The following UBE2G1 variants were observed in gnomAD, a reference collection of about 807,000 sequenced individuals.
The protein encoded by UBE2G1 is ubiquitin-conjugating enzyme E2 G1.
UBE2G1 carries 5 observed loss-of-function variants against 22.7 expected under a neutral mutation model. That is an observed-to-expected ratio of 0.22 (90% CI 0.12 to 0.46). The LOEUF is 0.46. Ranked by LOEUF, UBE2G1 falls within the 20% of genes least tolerant of loss-of-function variation. The pLI is 0.99. For missense variants in UBE2G1, 88 were observed against 203.9 expected, an observed-to-expected ratio of 0.43 and a Z score of 3.46; for synonymous variants, 74 against 67.5, an observed-to-expected ratio of 1.10 and a Z score of -0.47.
At chr17:4,355,264 A>G (rs1216745565) in intron 1 of UBE2G1, among the ~76,000 whole-genome samples, 1 of 150,218 alleles carries the variant, frequency 6.7e-6, no homozygotes, top group Non-Finnish European at 1.5e-5. Flanking sequence ...CGGCCTCCCA[A>G]AGTTCTGGGA....
intron 3 of UBE2G1, among the ~76,000 whole-genome samples, chr17:4,293,919 T>C (rs1410125332): frequency 1.3e-5 from 2 of 152,240 alleles, no homozygotes; most frequent in Admixed American, 1.3e-4. Flanking sequence ...ACCTCCCTGC[T>C]ATCTCTCTGA....
chr17:4,331,580 G>A (rs1430143212), intron 1 of UBE2G1, among the ~76,000 whole-genome samples: 7 of 151,986 alleles, frequency 4.6e-5, no homozygotes, highest in South Asian at 2.1e-4. Context: ...GTGTCAGTGC[G>A]GGCACATGTG....
Position 4,366,575 on chromosome 17 carries a change from GCCCGCTT to G in UBE2G1, c.-266_-260del. ...CGCGGCGCGCACTGGGACTTCGCTC[GCCCGCTT>G]CCCTCCTTCAACCCGCCCGTCGGCC... On this transcript the variant is annotated 5_prime_UTR_variant, in exon 1 of 6. Transcript: ENST00000396981. 2.6e-6 allele frequency: 1 copy of G among 383,386 alleles called. No individual in the cohort carries two copies. Among genetic ancestry groups the G allele is most frequent in the Non-Finnish European group, 4.7e-6 (1 of 214,122 alleles). The allele number at this position is 383,386 out of a possible 1,614,324, so 23.7% of individuals were successfully genotyped here.
chr17:4,306,994 T>C, intron 2 of UBE2G1, 27 bp downstream of exon 2: 7 of 1,593,918 alleles, frequency 4.4e-6, no homozygotes, highest in Non-Finnish European at 6.0e-6. Context: ...AGCTCCATTT[T>C]GAAGATGTCA....
At chr17:4,302,127 T>C (rs573062184) in intron 2 of UBE2G1, 56 of 525,910 alleles carry the variant, frequency 1.1e-4, no homozygotes, top group Admixed American at 7.0e-4. Context: ...CTGTGTCTGC[T>C]ATTGTGTTGC....
intron 1 of UBE2G1, among the ~76,000 whole-genome samples, chr17:4,362,079 C>T (rs527544667): frequency 2.4e-4 from 37 of 151,668 alleles, no homozygotes; most frequent in Non-Finnish European, 3.8e-4. Context: ...TTAACCAATG[C>T]TTATAATACC....
rs1969257972 is a variant in UBE2G1, at chr17:4,307,185, A to G, written c.47-62T>C. On this transcript the variant is annotated intron_variant, in intron 1 of 5. Coordinates refer to ENST00000396981, the MANE Select transcript of UBE2G1 (RefSeq NM_003342.5). Reference sequence around the variant, plus strand: ...CACATAATTTGCATCCAGTAGATAAATTACAGAACTTGAGCGTACATGTTT... The same window carrying G: ...CACATAATTTGCATCCAGTAGATAAGTTACAGAACTTGAGCGTACATGTTT... 3.6e-6 allele frequency: 5 copies of G among 1,374,904 alleles called. No homozygotes were observed. In the South Asian group the frequency reaches 4.7e-5, roughly 13 times the overall value. The allele number at this position is 1,374,904 out of a possible 1,614,324, so 85.2% of individuals were successfully genotyped here. A position where few individuals can be genotyped will look rare whatever the true frequency, so the allele number is the denominator to read the frequency against.
intron 1 of UBE2G1, among the ~76,000 whole-genome samples, chr17:4,344,787 G>A (rs1165324576): frequency 6.6e-6 from 1 of 152,160 alleles, no homozygotes; most frequent in East Asian, 1.9e-4. Flanking sequence ...CTTGAGCCCA[G>A]GGGTTTGAGG....
chr17:4,283,392 C>T (rs1968918449), intron 4 of UBE2G1, among the ~76,000 whole-genome samples: 1 of 152,124 alleles, frequency 6.6e-6, no homozygotes, highest in Admixed American at 6.6e-5. Flanking sequence ...CCCAGCTACT[C>T]AGGAGGCTGA....
chr17:4,273,005 A>C (rs558764938), intron 5 of UBE2G1, among the ~76,000 whole-genome samples: 1 of 152,334 alleles, frequency 6.6e-6, no homozygotes, highest in South Asian at 2.1e-4. Flanking sequence ...AACTTGCTAA[A>C]TTCTATCTAA....
At chr17:4,358,859 G>A (rs1292257141) in intron 1 of UBE2G1, among the ~76,000 whole-genome samples, 4 of 152,104 alleles carry the variant, frequency 2.6e-5, no homozygotes, top group Non-Finnish European at 5.9e-5. Context: ...GCTGCAGTGG[G>A]AGAATCGCTT....
chr17:4,292,993 T>C (rs1489229399), intron 3 of UBE2G1, among the ~76,000 whole-genome samples: 7 of 152,222 alleles, frequency 4.6e-5, no homozygotes, highest in Non-Finnish European at 7.3e-5. Context: ...TCACCTACTA[T>C]ACAATTCACC....
chr17:4,316,063 A>T lies in UBE2G1; in HGVS notation c.47-8940T>A, dbSNP rs1171801885. 2.6e-5 allele frequency among the ~76,000 whole-genome samples: 4 copies of T among 152,094 alleles called. No homozygotes were observed. The East Asian group carries it at 7.8e-4, about 30-fold the overall frequency. ...CGTGATCCGCCCACCTCGGCCTCTCAAAGTGCTGGGATTACAAGCGTGAGC... is the reference window on the plus strand; with the variant it reads ...CGTGATCCGCCCACCTCGGCCTCTCTAAGTGCTGGGATTACAAGCGTGAGC... On this transcript the variant is annotated intron_variant, in intron 1 of 5. Transcript: ENST00000396981.
intron 3 of UBE2G1, among the ~76,000 whole-genome samples, chr17:4,290,317 G>T (rs780106679): frequency 1.3e-5 from 2 of 152,220 alleles, no homozygotes; most frequent in South Asian, 4.1e-4. Context: ...ACAAATTTGT[G>T]AATAAATATA....
At chr17:4,365,966 C>T (rs929514450) in intron 1 of UBE2G1, among the ~76,000 whole-genome samples, 42 of 152,084 alleles carry the variant, frequency 2.8e-4, no homozygotes, top group African/African-American at 9.4e-4. Context: ...CCTGGGGACC[C>T]GCACACAGCC....
At chr17:4,308,083 G>C (rs1969267669) in intron 1 of UBE2G1, among the ~76,000 whole-genome samples, 1 of 152,208 alleles carries the variant, frequency 6.6e-6, no homozygotes, top group African/African-American at 2.4e-5. Flanking sequence ...GCCGGGCGTG[G>C]TGGCTCACAC....
At chr17:4,328,670 T>G (rs1488287007) in intron 1 of UBE2G1, among the ~76,000 whole-genome samples, 1 of 152,240 alleles carries the variant, frequency 6.6e-6, no homozygotes, top group Non-Finnish European at 1.5e-5. Context: ...ATTTATACAT[T>G]TATTCAAACT....
chr17:4,290,674 T>C (rs1450762519), intron 3 of UBE2G1, among the ~76,000 whole-genome samples: 1 of 134,610 alleles, frequency 7.4e-6, no homozygotes, highest in Non-Finnish European at 1.6e-5. Flanking sequence ...GAGATGGGGG[T>C]CTCACTATGT....
At position 4,306,270 on chromosome 17, in the gene UBE2G1, C is replaced by T. The variant is rs951289738; in HGVS notation, c.149+751G>A. ...TAAAATGTCCAAAAATTATATAACT[C>T]TTCTGCCTCCTGAGTTCAAGTGATT... On this transcript the variant is annotated intron_variant, in intron 2 of 5. Transcript: ENST00000396981. Among the ~76,000 whole-genome samples the T allele has an allele frequency of 2.0e-5, 3 of 152,096 alleles. No individual in the cohort carries two copies. The East Asian group carries it at 5.8e-4, about 29-fold the overall frequency.
Sources: allele counts gnomAD v4.1 joint callset (sites outside exome capture counted in the v4.1 genomes callset), GRCh38; gene constraint gnomAD v4.1.1; transcripts MANE v1.5; gene names NCBI Gene and HGNC (gene_info 2026-07-23, HGNC 2026-07-21).